TLL1: variants seen among roughly 807,000 people sequenced by gnomAD.
The protein encoded by TLL1 is tolloid-like protein 1.
Under a neutral mutation model 128.2 loss-of-function variants are expected in TLL1, and 49 were observed. That is an observed-to-expected ratio of 0.38 (90% CI 0.30 to 0.48). TLL1 has a LOEUF of 0.48. Ranked by LOEUF, TLL1 falls within the 20% of genes least tolerant of loss-of-function variation. TLL1 has a pLI of 0.96. For missense variants in TLL1, 1,123 were observed against 1,242.0 expected, an observed-to-expected ratio of 0.90 and a Z score of 1.44; for synonymous variants, 454 against 418.8, an observed-to-expected ratio of 1.08 and a Z score of -1.03.
chr4:166,019,398 A>G (rs1738107894), intron 8 of TLL1, among the ~76,000 whole-genome samples: 1 of 152,206 alleles, frequency 6.6e-6, no homozygotes. Flanking sequence ...ACTATCTTAT[A>G]CATGTACTCT....
At chr4:165,992,240 A>G (rs1246141065) in intron 2 of TLL1, among the ~76,000 whole-genome samples, 1 of 152,050 alleles carries the variant, frequency 6.6e-6, no homozygotes, top group Non-Finnish European at 1.5e-5. Flanking sequence ...GGCTTTTTCC[A>G]AATTACGTTT....
At chr4:165,881,480 A>G (rs981295609) in intron 1 of TLL1, among the ~76,000 whole-genome samples, 1 of 152,194 alleles carries the variant, frequency 6.6e-6, no homozygotes, top group African/African-American at 2.4e-5. Context: ...GAGACTGTCA[A>G]TTTACATGGT....
At position 166,065,712 on chromosome 4, in the gene TLL1, G is replaced by A. The variant is rs1740537117; in HGVS notation, c.2037G>A (p.Trp679Ter). 6.2e-7 allele frequency: 1 copy of A among 1,612,540 alleles called. No homozygotes were observed. The highest frequency in any genetic ancestry group is 8.5e-7 in the Non-Finnish European group (1 of 1,179,178). The change falls in exon 16 of 21, where the codon TGG (tryptophan) becomes TGA (stop). Residue 679 changes from tryptophan to a stop codon, truncating the protein, a stop_gained. Transcript: ENST00000061240. LOFTEE classifies it high-confidence loss of function. ...GCAAATATGATTATGTGGAGATCTG[G>A]AGTGGTCTTTCCTCTGAGTCTAAAC... ...EVCKYDYVEI[W>*]SGLSSESKLH...
chr4:165,932,952 T>TA (rs1733595587), intron 1 of TLL1, among the ~76,000 whole-genome samples: 1 of 152,226 alleles, frequency 6.6e-6, no homozygotes, highest in Admixed American at 6.5e-5. Flanking sequence ...ATAAGACACT[T>TA]ATGTTACCGG....
intron 1 of TLL1, among the ~76,000 whole-genome samples, chr4:165,952,093 G>A (rs1734553283): frequency 6.6e-6 from 1 of 152,032 alleles, no homozygotes; most frequent in Admixed American, 6.6e-5. Context: ...TAGTACTTGT[G>A]GTACAAATAT....
chr4:166,085,776 A>C (rs745818161), intron 18 of TLL1, among the ~76,000 whole-genome samples: 3 of 152,048 alleles, frequency 2.0e-5, no homozygotes, highest in Non-Finnish European at 4.4e-5. Flanking sequence ...GTTTTGGTAT[A>C]AGGATAGCAC....
intron 1 of TLL1, among the ~76,000 whole-genome samples, chr4:165,965,736 A>G (rs1350940732): frequency 1.3e-5 from 2 of 152,172 alleles, no homozygotes; most frequent in East Asian, 1.9e-4. Flanking sequence ...GTTAACCACT[A>G]TTTACAAAGA....
chr4:165,980,543 C>T (rs1372593940), intron 1 of TLL1, among the ~76,000 whole-genome samples: 1 of 152,068 alleles, frequency 6.6e-6, no homozygotes, highest in Non-Finnish European at 1.5e-5. Flanking sequence ...TCAGAAATAA[C>T]TCAGAGTTGT....
At chr4:166,082,565 T>G (rs1446980228) in intron 18 of TLL1, among the ~76,000 whole-genome samples, 1 of 152,184 alleles carries the variant, frequency 6.6e-6, no homozygotes, top group Non-Finnish European at 1.5e-5. Flanking sequence ...AATCATCTAC[T>G]CGTGTACTTT....
In TLL1 at chr4:165,994,374, A is replaced by T. The variant is rs1179844721; in HGVS notation, c.362-7A>T. The T allele has an allele frequency of 6.2e-7, 1 of 1,613,966 alleles. No individual in the cohort carries two copies. Among genetic ancestry groups the T allele is most frequent in the Admixed American group, 1.7e-5 (1 of 59,986 alleles). On this transcript the variant is annotated splice_region_variant and splice_polypyrimidine_tract_variant and intron_variant, in intron 3 of 20. Coordinates refer to ENST00000061240, the MANE Select transcript of TLL1 (RefSeq NM_012464.5). ...TGTTTCACAGAATGTTTTAAATGTC[A>T]CTGCAGGCTTGGAGCAAAACAACAC...
intron 9 of TLL1, among the ~76,000 whole-genome samples, chr4:166,026,388 G>T (rs1277169986): frequency 6.8e-6 from 1 of 146,400 alleles, no homozygotes. Flanking sequence ...GCAAGGCTCT[G>T]TCAAAAACAA....
intron 12 of TLL1, among the ~76,000 whole-genome samples, chr4:166,048,700 G>A (rs1018447731): frequency 2.6e-5 from 4 of 152,180 alleles, no homozygotes; most frequent in African/African-American, 9.7e-5. Flanking sequence ...AACTTCAAAG[G>A]AATGTCACCA....
chr4:165,898,499 T>C (rs941682031), intron 1 of TLL1, among the ~76,000 whole-genome samples: 1 of 152,246 alleles, frequency 6.6e-6, no homozygotes, highest in Non-Finnish European at 1.5e-5. Flanking sequence ...ATGTGGTTTT[T>C]GTCATTGGTT....
intron 9 of TLL1, among the ~76,000 whole-genome samples, chr4:166,027,982 C>A (rs555654062): frequency 6.6e-6 from 1 of 152,014 alleles, no homozygotes; most frequent in African/African-American, 2.4e-5. Context: ...TTATTTATGA[C>A]GATTAGCAAA....
intron 20 of TLL1, 98 bp downstream of exon 20, chr4:166,099,625 G>GAAA: frequency 1.1e-5 from 11 of 997,196 alleles, no homozygotes; most frequent in South Asian, 4.0e-5. Context: ...AATGCTTTTT[G>GAAA]CAAAAAAAAA....
At chr4:165,935,235 T>G (rs1247636969) in intron 1 of TLL1, among the ~76,000 whole-genome samples, 2 of 152,222 alleles carry the variant, frequency 1.3e-5, no homozygotes, top group Non-Finnish European at 2.9e-5. Flanking sequence ...TTCAAGTTAA[T>G]AAGCCTCAGT....
intron 1 of TLL1, among the ~76,000 whole-genome samples, chr4:165,880,019 G>A (rs1336934846): frequency 1.3e-5 from 2 of 152,006 alleles, no homozygotes; most frequent in South Asian, 2.1e-4. Flanking sequence ...TGGCTTTCGT[G>A]GTTTTTGTCT....
intron 10 of TLL1, among the ~76,000 whole-genome samples, chr4:166,040,759 GCT>G (rs1739200555): frequency 6.6e-6 from 1 of 152,164 alleles, no homozygotes; most frequent in African/African-American, 2.4e-5. Context: ...AAAACACACT[GCT>G]CTGTGTTATC....
intron 5 of TLL1, among the ~76,000 whole-genome samples, chr4:166,001,272 T>C (rs1424739049): frequency 2.0e-5 from 3 of 152,184 alleles, no homozygotes; most frequent in African/African-American, 7.2e-5. Flanking sequence ...GCTATTGATG[T>C]TATTTTAATT....
Sources: gnomAD v4.1 joint callset for allele counts (sites outside exome capture counted in the v4.1 genomes callset) on GRCh38, gnomAD v4.1.1 for gene constraint, MANE v1.5 for transcripts, NCBI Gene and HGNC (gene_info 2026-07-23, HGNC 2026-07-21) for gene names.